CNN1: variants seen among roughly 807,000 people sequenced by gnomAD.
CNN1 encodes the protein calponin-1.
CNN1 carries 21 observed loss-of-function variants against 35.3 expected under a neutral mutation model. The ratio of observed to expected loss-of-function variants is 0.60; its 90% CI spans 0.42 to 0.86. The LOEUF is 0.86. Among genes scored for constraint, CNN1 ranks in the 40% least tolerant of loss-of-function variants. The pLI, the probability that CNN1 is intolerant of heterozygous loss-of-function variation, is 0.00. For missense variants in CNN1, 314 were observed against 400.8 expected, an observed-to-expected ratio of 0.78 and a Z score of 1.85; for synonymous variants, 164 against 161.8, an observed-to-expected ratio of 1.01 and a Z score of -0.10.
chr19:11,540,932 A>G (rs1972447605), intron 1 of CNN1, 144 bp from the exon 2 acceptor site: 1 of 837,674 alleles, frequency 1.2e-6, no homozygotes, highest in Non-Finnish European at 1.7e-6. Context: ...TCCCCCAACT[A>G]TGGATCTGGG....
intron 1 of CNN1, chr19:11,539,634 G>A: frequency 1.4e-6 from 1 of 736,318 alleles, no homozygotes; most frequent in Non-Finnish European, 2.0e-6. Flanking sequence ...CTCCCAGCTG[G>A]AGAACTTTAA....
rs536044032 is a variant in CNN1 at position 11,549,756 on chromosome 19, C to T, written c.855C>T (p.Ala285=). The T allele has an allele frequency of 6.2e-7, 1 of 1,613,728 alleles. No homozygotes were observed. The highest frequency in any genetic ancestry group is 1.7e-5 in the Admixed American group (1 of 59,976). The change falls in exon 7 of 7, where the codon GCC becomes GCT. Residue 285 remains alanine (A), a synonymous_variant. Coordinates refer to ENST00000252456, the MANE Select transcript of CNN1 (RefSeq NM_001299.6). The surrounding 1 kb of genome is among the most constrained non-coding windows in gnomAD (Gnocchi z 5.2). ...AGTACCCAGAGCTGGGTGAGCCCGC[C>T]CACAACCACCACGCACACAACTACT... is the stretch of plus-strand genomic sequence containing the variant. ...TPEYPELGEP[A]HNHHAHNYYN... is the part of the protein sequence containing the mutation.
chr19:11,547,687 TG>T, intron 4 of CNN1, 109 bp from the exon 5 acceptor site: 1 of 815,780 alleles, frequency 1.2e-6, no homozygotes, highest in Non-Finnish European at 1.9e-6. Context: ...CACTCCAGCC[TG>T]GGCAACAGAG....
At chr19:11,542,719 G>T (rs967209923) in intron 2 of CNN1, among the ~76,000 whole-genome samples, 1 of 151,802 alleles carries the variant, frequency 6.6e-6, no homozygotes, top group African/African-American at 2.4e-5. Context: ...GGGATTACAG[G>T]TGCCCGCCAC....
intron 1 of CNN1, chr19:11,539,882 G>T (rs1464885563): frequency 8.6e-7 from 1 of 1,165,572 alleles, no homozygotes; most frequent in African/African-American, 1.7e-5. Context: ...CCCCAGCGCC[G>T]GCCCCAGAGC....
intron 1 of CNN1, chr19:11,540,594 G>A (rs1287106334): frequency 2.6e-5 from 4 of 154,444 alleles, no homozygotes; most frequent in Admixed American, 6.5e-5. Context: ...TGAAGACCTG[G>A]GGGACACGGA....
intron 1 of CNN1, chr19:11,539,626 C>A: frequency 1.4e-6 from 1 of 739,968 alleles, no homozygotes; most frequent in Non-Finnish European, 2.0e-6. Flanking sequence ...CTCAGCTTCT[C>A]CCAGCTGGAG....
At chr19:11,539,067 C>T (rs1412232962) in intron 1 of CNN1, 77 bp downstream of exon 1, 2 of 1,290,644 alleles carry the variant, frequency 1.5e-6, no homozygotes, top group Non-Finnish European at 2.1e-6. Context: ...TCCCTTGAAC[C>T]CCCTCCTGCC....
rs2145047069 is a variant in CNN1 at position 11,549,852 on chromosome 19, GACCCA to G, written c.*58_*62del. Reference sequence around the variant, plus strand: ...GGGAGGCTGCTGCTGCTCTTGGCTGGACCCAGCCAGGCCCAGCCGACCCCCTCTCC... The same window carrying G: ...GGGAGGCTGCTGCTGCTCTTGGCTGGGCCAGGCCCAGCCGACCCCCTCTCC... On this transcript the variant is annotated 3_prime_UTR_variant, in exon 7 of 7. Transcript: ENST00000252456. The surrounding 1 kb of genome is among the most constrained non-coding windows in gnomAD (Gnocchi z 5.2). 1.9e-6 allele frequency: 3 copies of G among 1,553,578 alleles called. No homozygotes were observed. In the East Asian group the frequency reaches 6.8e-5, roughly 35 times the overall value.
chr19:11,539,257 T>C, intron 1 of CNN1: 2 of 1,238,064 alleles, frequency 1.6e-6, no homozygotes, highest in Non-Finnish European at 2.0e-6. Flanking sequence ...TGATCAGTCT[T>C]CTGTTAACCC....
In CNN1 at chr19:11,541,142, C is replaced by T. The variant is rs748140771; in HGVS notation, c.130C>T (p.Arg44Cys). 1.1e-5 allele frequency: 18 copies of T among 1,607,002 alleles called. No homozygotes were observed. In the East Asian group the frequency reaches 1.1e-4, roughly 10 times the overall value. The change falls in exon 2 of 7, where the codon CGT becomes TGT. Residue 44 changes from arginine (R) to cysteine (C), a missense_variant. Arg to Cys is a radical substitution (Grantham distance 180). Coordinates refer to ENST00000252456, the MANE Select transcript of CNN1 (RefSeq NM_001299.6). ...LREWIEGVTG[R>C]RIGNNFMDGL... The stretch of plus-strand genomic sequence containing the variant: ...AGAGTGGATCGAGGGGGTGACAGGC[C>T]GTCGCATCGGCAACAACTTCATGGA...
chr19:11,545,402 A>G (rs1170374475), intron 2 of CNN1, among the ~76,000 whole-genome samples: 1 of 146,812 alleles, frequency 6.8e-6, no homozygotes, highest in Non-Finnish European at 1.5e-5. Context: ...ACTGGACATG[A>G]GGCTGAGAGA....
intron 1 of CNN1, chr19:11,539,603 A>T: frequency 1.3e-6 from 1 of 794,208 alleles, no homozygotes; most frequent in Non-Finnish European, 1.8e-6. Context: ...CACCCCCCAT[A>T]CACCAGGATG....
At chr19:11,540,143 A>T in intron 1 of CNN1, 2 of 708,812 alleles carry the variant, frequency 2.8e-6, no homozygotes, top group Non-Finnish European at 3.4e-6. Flanking sequence ...ATGGGAGTGG[A>T]GTGGGGGAGG....
At chr19:11,544,433 C>T (rs1441792658) in intron 2 of CNN1, among the ~76,000 whole-genome samples, 3 of 152,036 alleles carry the variant, frequency 2.0e-5, no homozygotes, top group Non-Finnish European at 1.5e-5. Flanking sequence ...GAGATGAAGT[C>T]GCAGAGTGAA....
intron 1 of CNN1, chr19:11,540,150 GA>G (rs1319946880): frequency 2.8e-4 from 206 of 735,326 alleles, no homozygotes; most frequent in Admixed American, 3.9e-4. Flanking sequence ...TGGAGTGGGG[GA>G]GGGGGGGGAC....
At chr19:11,546,174 C>G (rs969629490) in intron 2 of CNN1, among the ~76,000 whole-genome samples, 1 of 152,016 alleles carries the variant, frequency 6.6e-6, no homozygotes, top group African/African-American at 2.4e-5. Flanking sequence ...AGCTCCTTGG[C>G]ATCAGTGTCC....
chr19:11,541,062 T>G lies in CNN1; in HGVS notation c.64-14T>G, dbSNP rs746905716. On this transcript the variant is annotated splice_polypyrimidine_tract_variant and intron_variant, in intron 1 of 6. Transcript: ENST00000252456. ...ACCCCTTTCTCTGTGCCCCCTGCCCTCCCCTCGCCCCAGCTGGCCCAGAAG... is the reference window on the plus strand; with the variant it reads ...ACCCCTTTCTCTGTGCCCCCTGCCCGCCCCTCGCCCCAGCTGGCCCAGAAG... The G allele has an allele frequency of 3.1e-6, 5 of 1,595,224 alleles. No individual in the cohort carries two copies. In the South Asian group the frequency reaches 5.6e-5, roughly 18 times the overall value.
intron 2 of CNN1, among the ~76,000 whole-genome samples, chr19:11,545,530 AGGAGTCT>A (rs1485008742): frequency 1.3e-5 from 2 of 151,520 alleles, no homozygotes; most frequent in African/African-American, 4.9e-5. Flanking sequence ...GCTGCATGTC[AGGAGTCT>A]GGAGCAGGGT....
Sources: allele counts gnomAD v4.1 joint callset (sites outside exome capture counted in the v4.1 genomes callset), GRCh38; gene constraint gnomAD v4.1.1; non-coding constraint Gnocchi (gnomAD v3.1); transcripts MANE v1.5; gene names NCBI Gene and HGNC (gene_info 2026-07-23, HGNC 2026-07-21).